The following ISLR2 variants were observed in gnomAD, a reference collection of about 807,000 sequenced individuals.
The protein encoded by ISLR2 is immunoglobulin superfamily containing leucine rich repeat 2, also known as immunoglobulin superfamily containing leucine-rich repeat protein 2.
ISLR2 carries 16 observed loss-of-function variants against 25.5 expected under a neutral mutation model. That is an observed-to-expected ratio of 0.63 (90% CI 0.43 to 0.95). The LOEUF (loss-of-function observed/expected upper bound fraction) is 0.95, where lower values mean the gene tolerates loss of function less well. ISLR2 is among the 40% of genes least tolerant of loss of function. The pLI, the probability that ISLR2 is intolerant of heterozygous loss-of-function variation, is 0.00. For synonymous variants in ISLR2, 508 were observed against 486.6 expected, an observed-to-expected ratio of 1.04 and a Z score of -0.58; for missense variants, 883 against 1,030.7, an observed-to-expected ratio of 0.86 and a Z score of 1.96.
chr15:74,109,431 G>A (rs1455298899), intron 2 of ISLR2, among the ~76,000 whole-genome samples: 2 of 152,174 alleles, frequency 1.3e-5, no homozygotes, highest in Admixed American at 1.3e-4. Flanking sequence ...GAACCGCCAC[G>A]TGGAGCTGTG....
intron 2 of ISLR2, among the ~76,000 whole-genome samples, chr15:74,113,004 G>A (rs956732706): frequency 2.0e-5 from 3 of 152,098 alleles, no homozygotes; most frequent in African/African-American, 7.2e-5. Flanking sequence ...CTGGTTTCAC[G>A]GAAGACAATT....
At chr15:74,114,823 C>T (rs2072198570) in intron 2 of ISLR2, among the ~76,000 whole-genome samples, 1 of 152,120 alleles carries the variant, frequency 6.6e-6, no homozygotes, top group Non-Finnish European at 1.5e-5. Flanking sequence ...CCTCAGTTTA[C>T]TGCCGGAAGC....
intron 2 of ISLR2, among the ~76,000 whole-genome samples, chr15:74,120,032 A>G (rs1262111045): frequency 6.6e-6 from 1 of 152,338 alleles, no homozygotes; most frequent in Admixed American, 6.5e-5. Flanking sequence ...AGGAACATGC[A>G]TAGAGCTCTC....
In ISLR2 at chr15:74,134,564, G is replaced by C; in HGVS notation, c.1810G>C (p.Ala604Pro). ...AGTGAGCGTATTCCTCCTGGTGCTG[G>C]CCACAGTGCCCCTTCTGGGCGCCGC... is the stretch of plus-strand genomic sequence containing the variant. ...VAVSVFLLVLATVPLLGAACC... is the reference protein window; with the variant it reads ...VAVSVFLLVLPTVPLLGAACC... The change falls in exon 3 of 3, where the codon GCC (alanine) becomes CCC (proline). Residue 604 changes from alanine (A) to proline (P), a missense_variant. Coordinates refer to ENST00000453268, the MANE Select transcript of ISLR2 (RefSeq NM_020851.3). The C allele has an allele frequency of 1.5e-5, 24 of 1,614,124 alleles. No individual in the cohort carries two copies. The highest frequency in any genetic ancestry group is 2.0e-5 in the Non-Finnish European group (24 of 1,180,018).
At chr15:74,107,387 G>T (rs747223382) in intron 2 of ISLR2, among the ~76,000 whole-genome samples, 3 of 152,224 alleles carry the variant, frequency 2.0e-5, no homozygotes, top group Non-Finnish European at 4.4e-5. Flanking sequence ...CAGCAGGCTG[G>T]CCCAGTGTGG....
At chr15:74,140,311 T>A (rs532119057), downstream of ISLR2, among the ~76,000 whole-genome samples, 5 of 152,336 alleles carry the variant, frequency 3.3e-5, no homozygotes, top group Admixed American at 2.0e-4. Context: ...AGATTCGTTG[T>A]CAGTACATAT....
upstream of ISLR2, among the ~76,000 whole-genome samples, chr15:74,125,479 T>A (rs1393728334): frequency 6.6e-6 from 1 of 152,200 alleles, no homozygotes; most frequent in African/African-American, 2.4e-5. Context: ...GGCTCAAATA[T>A]TCCTTCTATC....
chr15:74,129,022 TCA>T (rs1338735947), upstream of ISLR2: 1 of 456,454 alleles, frequency 2.2e-6, no homozygotes, highest in Non-Finnish European at 4.4e-6. This position sits in a 1 kb window ranked among gnomAD's most constrained non-coding sequence, Gnocchi z 4.5. Flanking sequence ...CAGGGACGGG[TCA>T]CAGTGCTCTC....
chr15:74,133,979 C>T lies in ISLR2; in HGVS notation c.1225C>T (p.Leu409=), dbSNP rs1303266158. 3.1e-6 allele frequency: 5 copies of T among 1,610,882 alleles called. No individual in the cohort carries two copies. Among genetic ancestry groups the T allele is most frequent in the Non-Finnish European group, 4.2e-6 (5 of 1,178,616 alleles). Residue 409 remains leucine, a synonymous_variant, in exon 3 of 3, where the codon CTG becomes TTG. Transcript: ENST00000453268. ...AGCCAAGGGCCGGGGCAACAGCGTCCTGCCTTCCAAACCCGAGGGCAAAAT... is the reference window on the plus strand; with the variant it reads ...AGCCAAGGGCCGGGGCAACAGCGTCTTGCCTTCCAAACCCGAGGGCAAAAT... ...STAKGRGNSV[L]PSKPEGKIKG...
At chr15:74,127,155 A>G (rs1156892186), upstream of ISLR2, 1 of 152,192 alleles carries the variant, frequency 6.6e-6, no homozygotes, top group African/African-American at 2.4e-5. Context: ...CGCGTGCCAC[A>G]TTAAAATACA....
At chr15:74,119,676 T>C (rs1280765147) in intron 2 of ISLR2, among the ~76,000 whole-genome samples, 1 of 152,234 alleles carries the variant, frequency 6.6e-6, no homozygotes, top group Non-Finnish European at 1.5e-5. Context: ...GATTTAATCA[T>C]TTCACAATGT....
At position 74,134,804 on chromosome 15, in the gene ISLR2, G is replaced by T; in HGVS notation, c.2050G>T (p.Gly684Ter). The T allele has an allele frequency of 6.2e-7, 1 of 1,614,130 alleles. No homozygotes were observed. The highest frequency in any genetic ancestry group is 8.5e-7 in the Non-Finnish European group (1 of 1,180,016). Residue 684 changes from glycine to a stop codon, truncating the protein, a stop_gained, in exon 3 of 3, where the codon GGA becomes TGA. Coordinates refer to ENST00000453268, the MANE Select transcript of ISLR2 (RefSeq NM_020851.3). LOFTEE classifies it high-confidence loss of function. Reference sequence around the variant, plus strand: ...GGGCCTTGATGAAGACGCGGAGCAGGGAGACCCAAGTGGGGACCTGCAGAG... The same window carrying T: ...GGGCCTTGATGAAGACGCGGAGCAGTGAGACCCAAGTGGGGACCTGCAGAG... Reference protein sequence around the residue: ...GEGLDEDAEQGDPSGDLQREE... With the variant: ...GEGLDEDAEQ
Position 74,134,978 on chromosome 15 carries a change from C to A in ISLR2, c.2224C>A (p.Gln742Lys). 6.2e-7 allele frequency: 1 copy of A among 1,612,346 alleles called. No individual in the cohort carries two copies. The highest frequency in any genetic ancestry group is 2.2e-5 in the East Asian group (1 of 44,854). The change falls in exon 3 of 3, where the codon CAG (glutamine) becomes AAG (lysine). Residue 742 changes from glutamine (Q) to lysine (K), a missense_variant. This residue lies in a region of ISLR2 where 612 missense variants were observed against 642.8 expected (regional missense o/e 0.95). Coordinates refer to ENST00000453268, the MANE Select transcript of ISLR2 (RefSeq NM_020851.3). ...IAQEINGNYRQTAG is the reference protein window; with the variant it reads ...IAQEINGNYRKTAG Reference sequence around the variant, plus strand: ...CCAGGAGATTAATGGCAACTACAGGCAGACGGCAGGCTGAACCTCCGCCCG... The same window carrying A: ...CCAGGAGATTAATGGCAACTACAGGAAGACGGCAGGCTGAACCTCCGCCCG...
At chr15:74,140,318 A>G (rs1020088886), downstream of ISLR2, among the ~76,000 whole-genome samples, 8 of 152,322 alleles carry the variant, frequency 5.3e-5, no homozygotes, top group East Asian at 1.5e-3. Context: ...TTGTCAGTAC[A>G]TATATGGCCT....
chr15:74,134,090 G>A lies in ISLR2; in HGVS notation c.1336G>A (p.Glu446Lys), dbSNP rs759229804. 1 of 1,613,514 alleles carries A rather than the reference G, an allele frequency of 6.2e-7. No individual in the cohort carries two copies. Among genetic ancestry groups the A allele is most frequent in the South Asian group, 1.1e-5 (1 of 90,918 alleles). The change falls in exon 3 of 3, where the codon GAA becomes AAA. Residue 446 changes from glutamate to lysine, a missense_variant. Transcript: ENST00000453268. ...EEDTSEGEEA[E>K]DQILADPAEE... is the part of the protein sequence containing the mutation. ...GGACACAAGTGAGGGAGAGGAGGCCGAAGACCAGATCCTCGCGGACCCGGC... is the reference window on the plus strand; with the variant it reads ...GGACACAAGTGAGGGAGAGGAGGCCAAAGACCAGATCCTCGCGGACCCGGC...
At chr15:74,113,960 A>G (rs1425395101) in intron 2 of ISLR2, among the ~76,000 whole-genome samples, 3 of 152,226 alleles carry the variant, frequency 2.0e-5, no homozygotes, top group South Asian at 2.1e-4. Flanking sequence ...AGCAACCTCT[A>G]TAAGATTTCT....
chr15:74,119,474 G>A (rs781745684), intron 2 of ISLR2, among the ~76,000 whole-genome samples: 2 of 151,996 alleles, frequency 1.3e-5, no homozygotes, highest in Non-Finnish European at 2.9e-5. Context: ...CTAGGATTAC[G>A]GGTGTGAGCC....
chr15:74,132,215 A>G lies in ISLR2; in HGVS notation c.-8-532A>G, dbSNP rs189843340. Reference sequence around the variant, plus strand: ...TGTGTTGTGAGCCTCCTAATTGAGCATCAGGTCCTCTAAACCCCTGCAGAA... The same window carrying G: ...TGTGTTGTGAGCCTCCTAATTGAGCGTCAGGTCCTCTAAACCCCTGCAGAA... On this transcript the variant is annotated intron_variant, in intron 2 of 2. Coordinates refer to ENST00000453268, the MANE Select transcript of ISLR2 (RefSeq NM_020851.3). This position sits in a 1 kb window ranked among gnomAD's most constrained non-coding sequence, Gnocchi z 4.3. 5.9e-5 allele frequency among the ~76,000 whole-genome samples: 9 copies of G among 152,318 alleles called. No individual in the cohort carries two copies. Among genetic ancestry groups the G allele is most frequent in the Non-Finnish European group, 1.3e-4 (9 of 68,034 alleles).
Position 74,133,226 on chromosome 15 carries a change from C to T in ISLR2, c.472C>T (p.Arg158Trp), listed in dbSNP as rs1173283343. 2.5e-6 allele frequency: 4 copies of T among 1,612,656 alleles called. No homozygotes were observed. The highest frequency in any genetic ancestry group is 3.4e-6 in the Non-Finnish European group (4 of 1,180,024). Reference protein sequence around the residue: ...DLRSLRINNNRLRTLAPGTFD... With the variant: ...DLRSLRINNNWLRTLAPGTFD... ...GCGTTCCCTGCGCATCAACAACAAC[C>T]GGCTGCGTACGCTGGCGCCTGGCAC... Residue 158 changes from arginine to tryptophan, a missense_variant, in exon 3 of 3, where the codon CGG (arginine) becomes TGG (tryptophan). Physicochemically the swap from Arg to Trp is moderately radical, Grantham distance 101 (BLOSUM62 -3). Around this residue, in one of 2 missense-constraint regions of ISLR2, gnomAD observed 271 missense variants for 387.9 expected, o/e 0.70. Coordinates refer to ENST00000453268, the MANE Select transcript of ISLR2 (RefSeq NM_020851.3).
Sources: gnomAD v4.1 joint callset for allele counts (sites outside exome capture counted in the v4.1 genomes callset) on GRCh38, gnomAD v4.1.1 for gene constraint, gnomAD v4.1.1 regional missense constraint, Gnocchi (gnomAD v3.1) non-coding constraint, MANE v1.5 for transcripts, NCBI Gene and HGNC (gene_info 2026-07-23, HGNC 2026-07-21) for gene names.